Variants in VWDE observed in about 807,000 individuals in gnomAD.
VWDE encodes the protein von Willebrand factor D and EGF domains, also known as von Willebrand factor D and EGF domain-containing protein.
A neutral mutation model predicts 178.4 loss-of-function variants in VWDE; 207 were observed. The ratio of observed to expected loss-of-function variants is 1.16; its 90% CI spans 1.04 to 1.30. The LOEUF (loss-of-function observed/expected upper bound fraction) is 1.30, where lower values mean the gene tolerates loss of function less well. VWDE is among the 50% of genes most tolerant of loss of function. The probability of loss-of-function intolerance (pLI) is 0.00; values close to 1 mark genes in which losing one functional copy is unlikely to be tolerated. For synonymous variants in VWDE, 738 were observed against 651.4 expected (o/e 1.13, Z -2.02); for missense variants, 2,287 against 1,901.3 (o/e 1.20, Z -3.77).
chr7:12,391,246 T>C (rs1411413509), intron 2 of VWDE, among the ~76,000 whole-genome samples: 2 of 152,246 alleles, frequency 1.3e-5, no homozygotes, highest in Non-Finnish European at 2.9e-5. Flanking sequence ...GTTCTTTATT[T>C]CCTAAGCTTT....
rs1784867161 is a variant in VWDE, at chr7:12,400,959, C to A, written c.58+2700G>T. On this transcript the variant is annotated intron_variant, in intron 1 of 28. Transcript: ENST00000275358. The stretch of plus-strand genomic sequence containing the variant: ...ACATAGATAGCATAAAAGCTGAAAT[C>A]CACATGTTCATCTCAACAGACACAG... Among the ~76,000 whole-genome samples, 3 of 152,062 alleles carry A rather than the reference C, an allele frequency of 2.0e-5. No homozygotes were observed. The South Asian group carries it at 6.2e-4, about 32-fold the overall frequency.
chr7:12,379,677 T>C, intron 5 of VWDE, 111 bp from the exon 6 acceptor site: 2 of 631,682 alleles, frequency 3.2e-6, no homozygotes, highest in Non-Finnish European at 5.0e-6. Flanking sequence ...TATATAAAGA[T>C]AATAAAAGAA....
At chr7:12,389,728 C>T (rs1410427858) in intron 2 of VWDE, among the ~76,000 whole-genome samples, 4 of 152,092 alleles carry the variant, frequency 2.6e-5, no homozygotes, top group Non-Finnish European at 5.9e-5. Flanking sequence ...CAAAGATAAA[C>T]TGATCTTGGA....
At chr7:12,389,974 C>G (rs2128561312) in intron 2 of VWDE, among the ~76,000 whole-genome samples, 1 of 152,178 alleles carries the variant, frequency 6.6e-6, no homozygotes, top group East Asian at 1.9e-4. Flanking sequence ...ACTATCCTGG[C>G]TAACATGGTG....
At chr7:12,357,194 A>G in intron 17 of VWDE, 71 bp downstream of exon 17, 1 of 1,497,054 alleles carries the variant, frequency 6.7e-7, no homozygotes. Context: ...TATGGCTTGT[A>G]TTTTAAATTC....
At chr7:12,338,337 GA>G in intron 24 of VWDE, among the ~76,000 whole-genome samples, 1 of 151,788 alleles carries the variant, frequency 6.6e-6, no homozygotes, top group African/African-American at 2.4e-5. Context: ...TATTGGTAGA[GA>G]AATGTTCTTA....
chr7:12,343,448 G>C (rs573994728), intron 21 of VWDE, among the ~76,000 whole-genome samples: 32 of 152,180 alleles, frequency 2.1e-4, no homozygotes, highest in African/African-American at 5.8e-4. Flanking sequence ...AGTGAGATTT[G>C]AACTTACTTA....
chr7:12,348,330 A>C (rs910880943), intron 19 of VWDE, among the ~76,000 whole-genome samples: 1 of 149,356 alleles, frequency 6.7e-6, no homozygotes, highest in Admixed American at 6.7e-5. Context: ...TATTCATCTG[A>C]CAAAGGGCTA....
chr7:12,341,954 C>A, intron 23 of VWDE, 105 bp downstream of exon 23: 1 of 780,826 alleles, frequency 1.3e-6, no homozygotes, highest in Non-Finnish European at 2.1e-6. Context: ...ACCTATCTAC[C>A]TGTCTTGTCA....
intron 1 of VWDE, among the ~76,000 whole-genome samples, chr7:12,396,328 A>G (rs1024831770): frequency 6.6e-6 from 1 of 151,654 alleles, no homozygotes; most frequent in African/African-American, 2.4e-5. Flanking sequence ...GAAGCCAAAT[A>G]AATCATTTTA....
In VWDE at chr7:12,370,629, A is replaced by T. The variant is rs1456476094; in HGVS notation, c.1796+27T>A. 7 of 1,546,652 alleles carry T rather than the reference A, an allele frequency of 4.5e-6. No individual in the cohort carries two copies. In the Admixed American group the frequency reaches 1.4e-4, roughly 31 times the overall value. ...CCGTTTTAAGTCTAATATTAATATA[A>T]TCGCAAGTGGAAAAATAGTGTCTTA... is the stretch of plus-strand genomic sequence containing the variant. On this transcript the variant is annotated intron_variant, in intron 11 of 28. Transcript: ENST00000275358.
intron 27 of VWDE, among the ~76,000 whole-genome samples, chr7:12,334,339 C>G (rs1410875715): frequency 6.6e-6 from 1 of 152,034 alleles, no homozygotes; most frequent in Non-Finnish European, 1.5e-5. Context: ...GAGCGTACCA[C>G]AAAATTATAT....
At chr7:12,387,677 TA>T (rs1784171448) in intron 3 of VWDE, among the ~76,000 whole-genome samples, 1 of 152,150 alleles carries the variant, frequency 6.6e-6, no homozygotes, top group Non-Finnish European at 1.5e-5. Context: ...TTGTTTGCTA[TA>T]ATTGTGTGAT....
intron 6 of VWDE, 62 bp downstream of exon 6, chr7:12,379,414 CA>C: frequency 7.4e-6 from 1 of 135,366 alleles, no homozygotes; most frequent in Non-Finnish European, 1.2e-5. Flanking sequence ...ATGGACAGAT[CA>C]CAGTTTGGGA....
chr7:12,333,144 G>A (rs989316642), intron 28 of VWDE, among the ~76,000 whole-genome samples: 4 of 152,112 alleles, frequency 2.6e-5, no homozygotes, highest in African/African-American at 9.7e-5. Context: ...TTAAATATAT[G>A]TTTTATAGCA....
intron 1 of VWDE, among the ~76,000 whole-genome samples, chr7:12,402,762 G>T (rs1664838790): frequency 6.6e-6 from 1 of 152,004 alleles, no homozygotes. Flanking sequence ...TTTTGTATAG[G>T]ATAGTGTTTG....
intron 13 of VWDE, among the ~76,000 whole-genome samples, chr7:12,366,923 C>A (rs1782890038): frequency 6.6e-6 from 1 of 151,966 alleles, no homozygotes; most frequent in African/African-American, 2.4e-5. Context: ...AAAGGTGAGT[C>A]TTTTCTGTCT....
intron 28 of VWDE, 24 bp from the exon 29 acceptor site, chr7:12,331,221 T>C (rs559263624): frequency 2.3e-5 from 36 of 1,537,410 alleles, no homozygotes; most frequent in Non-Finnish European, 3.2e-5. Context: ...AAGGAAATTG[T>C]GTTTCAATGA....
At chr7:12,334,051 C>T (rs545318743) in intron 27 of VWDE, among the ~76,000 whole-genome samples, 8 of 152,086 alleles carry the variant, frequency 5.3e-5, no homozygotes, top group Admixed American at 5.2e-4. Flanking sequence ...GATACTCATG[C>T]TGTCTATATC....
Sources: allele counts gnomAD v4.1 joint callset (sites outside exome capture counted in the v4.1 genomes callset), GRCh38; gene constraint gnomAD v4.1.1; transcripts MANE v1.5; gene names NCBI Gene and HGNC (gene_info 2026-07-23, HGNC 2026-07-21).